EIF4E3: variants seen among roughly 807,000 people sequenced by gnomAD.
The protein encoded by EIF4E3 is eukaryotic translation initiation factor 4E family member 3, also known as eukaryotic translation initiation factor 4E type 3.
Under a neutral mutation model 31.7 loss-of-function variants are expected in EIF4E3, and 26 were observed. The observed-to-expected ratio is 0.82, with a 90% CI of 0.60 to 1.14. The LOEUF (loss-of-function observed/expected upper bound fraction) is 1.14, where lower values mean the gene tolerates loss of function less well. EIF4E3 is among the 50% of genes most tolerant of loss of function. The pLI is 0.00. For synonymous variants in EIF4E3, 128 were observed against 107.7 expected, an observed-to-expected ratio of 1.19 and a Z score of -1.17; for missense variants, 304 against 270.9, an observed-to-expected ratio of 1.12 and a Z score of -0.86.
chr3:71,699,287 G>C lies in EIF4E3; in HGVS notation c.344+327C>G, dbSNP rs1238891346. 2.0e-5 allele frequency among the ~76,000 whole-genome samples: 3 copies of C among 151,960 alleles called. No homozygotes were observed. In the East Asian group the frequency reaches 5.8e-4, roughly 29 times the overall value. The stretch of plus-strand genomic sequence containing the variant: ...AAAAAAACCCCACAAAAACAAATTA[G>C]GTTTCTGTCATTTGCTACTAATCAA... On this transcript the variant is annotated intron_variant, in intron 3 of 6. Transcript: ENST00000425534.
At chr3:71,661,013 G>A in the EIF4E3 span, among the ~76,000 whole-genome samples, 1 of 151,944 alleles carries the variant, frequency 6.6e-6, no homozygotes, top group African/African-American at 2.4e-5. Flanking sequence ...GCACTGGCAG[G>A]GATGCGAGCG....
intron 3 of EIF4E3, among the ~76,000 whole-genome samples, chr3:71,698,894 G>T (rs1483517602): frequency 6.6e-6 from 1 of 152,138 alleles, no homozygotes; most frequent in Non-Finnish European, 1.5e-5. Flanking sequence ...CCCAGTCACA[G>T]GTTAAAAACA....
intron 3 of EIF4E3, among the ~76,000 whole-genome samples, chr3:71,696,909 G>T (rs1444167011): frequency 1.3e-5 from 2 of 151,626 alleles, no homozygotes; most frequent in South Asian, 2.1e-4. Context: ...TAGTAGAGAC[G>T]GGATTTCACT....
intron 5 of EIF4E3, among the ~76,000 whole-genome samples, chr3:71,691,421 C>A (rs568298120): frequency 1.6e-4 from 25 of 152,268 alleles, no homozygotes; most frequent in African/African-American, 5.5e-4. Context: ...CCTCTTCCTT[C>A]TTTTCTTTTT....
At chr3:71,729,651 A>G (rs2049681144), upstream of EIF4E3, among the ~76,000 whole-genome samples, 1 of 152,230 alleles carries the variant, frequency 6.6e-6, no homozygotes, top group Admixed American at 6.5e-5. Flanking sequence ...GTAAAGATAC[A>G]GTAAATGTCA....
intron 1 of EIF4E3, among the ~76,000 whole-genome samples, chr3:71,752,035 C>T (rs2049934094): frequency 6.6e-6 from 1 of 152,194 alleles, no homozygotes; most frequent in Admixed American, 6.5e-5. Context: ...TGGTCAGCCA[C>T]TTGCTGCTGG....
the EIF4E3 span, among the ~76,000 whole-genome samples, chr3:71,661,494 T>A: frequency 2.0e-5 from 3 of 152,174 alleles, no homozygotes; most frequent in African/African-American, 4.8e-5. Flanking sequence ...TTTAGCCTCC[T>A]TGGGCCTCCA....
intron 5 of EIF4E3, 133 bp downstream of exon 5, chr3:71,693,742 A>T: frequency 1.2e-6 from 1 of 822,966 alleles, no homozygotes; most frequent in Non-Finnish European, 1.8e-6. Context: ...AAAATTGAGT[A>T]ACTTTGTAGT....
chr3:71,693,025 A>T (rs2049085035), intron 5 of EIF4E3, among the ~76,000 whole-genome samples: 1 of 152,190 alleles, frequency 6.6e-6, no homozygotes, highest in Non-Finnish European at 1.5e-5. Context: ...GCTCTCAAAC[A>T]CGGCCCCATC....
At chr3:71,744,317 G>A (rs775368282) in intron 1 of EIF4E3, among the ~76,000 whole-genome samples, 26 of 152,112 alleles carry the variant, frequency 1.7e-4, no homozygotes, top group Admixed American at 7.2e-4. Flanking sequence ...TAGGTAGATG[G>A]CAAATAAGCA....
intron 3 of EIF4E3, among the ~76,000 whole-genome samples, chr3:71,698,149 C>T (rs1299921306): frequency 6.6e-6 from 1 of 152,154 alleles, no homozygotes; most frequent in Non-Finnish European, 1.5e-5. Context: ...AACACTTCCC[C>T]AGTCCTTTTG....
intron 6 of EIF4E3, 40 bp downstream of exon 6, chr3:71,689,970 G>A: frequency 6.5e-7 from 1 of 1,534,538 alleles, no homozygotes. Flanking sequence ...AAGTATGATA[G>A]AGTAAGCTAG....
chr3:71,711,371 G>A (rs2029013), intron 1 of EIF4E3, among the ~76,000 whole-genome samples: 77,454 of 152,044 alleles, frequency 0.51, 20,009 homozygotes, highest in African/African-American at 0.57. Context: ...TCTGGTTGTT[G>A]GTGAGAAATA....
At chr3:71,698,683 T>C (rs2049173545) in intron 3 of EIF4E3, among the ~76,000 whole-genome samples, 1 of 152,190 alleles carries the variant, frequency 6.6e-6, no homozygotes, top group South Asian at 2.1e-4. Flanking sequence ...GACCCAGACC[T>C]GGGATTTTAT....
intron 2 of EIF4E3, among the ~76,000 whole-genome samples, chr3:71,707,637 C>A (rs1412118417): frequency 1.3e-4 from 19 of 151,964 alleles, no homozygotes; most frequent in African/African-American, 4.1e-4. Flanking sequence ...CTAAAAGAAC[C>A]CTTTTTCCTA....
At chr3:71,689,248 C>A (rs1437761226) in intron 6 of EIF4E3, among the ~76,000 whole-genome samples, 1 of 152,104 alleles carries the variant, frequency 6.6e-6, no homozygotes, top group Non-Finnish European at 1.5e-5. Context: ...GTTACTGACT[C>A]CAGGAACAGT....
chr3:71,697,191 A>T (rs573064952), intron 3 of EIF4E3, among the ~76,000 whole-genome samples: 3 of 151,514 alleles, frequency 2.0e-5, no homozygotes, highest in Non-Finnish European at 2.9e-5. Context: ...AATTTTTAAA[A>T]TTTTTTTTAG....
intron 1 of EIF4E3, among the ~76,000 whole-genome samples, chr3:71,746,754 CA>C (rs1355978567): frequency 6.6e-6 from 1 of 152,172 alleles, no homozygotes; most frequent in Non-Finnish European, 1.5e-5. Context: ...CATCACCCCC[CA>C]AAAAGCTCTG....
At chr3:71,692,009 G>GTAAC (rs2049070122) in intron 5 of EIF4E3, among the ~76,000 whole-genome samples, 1 of 152,168 alleles carries the variant, frequency 6.6e-6, no homozygotes, top group Non-Finnish European at 1.5e-5. Context: ...AAAGCGTAAT[G>GTAAC]TAACTGATGG....
Sources: allele counts gnomAD v4.1 joint callset (sites outside exome capture counted in the v4.1 genomes callset), GRCh38; gene constraint gnomAD v4.1.1; transcripts MANE v1.5; gene names NCBI Gene and HGNC (gene_info 2026-07-23, HGNC 2026-07-21).